HDAC9: variants seen among roughly 807,000 people sequenced by gnomAD.
HDAC9 encodes histone deacetylase 9.
In HDAC9, 41 loss-of-function variants were observed where a neutral mutation model predicts 139.4. The ratio of observed to expected loss-of-function variants is 0.29; its 90% CI spans 0.23 to 0.38. The LOEUF (loss-of-function observed/expected upper bound fraction) is 0.38. HDAC9 is among the 10% of genes least tolerant of loss of function. The pLI is 1.00. For synonymous variants in HDAC9, 517 were observed against 476.2 expected (o/e 1.09, Z -1.12); for missense variants, 1,147 against 1,297.0 (o/e 0.88, Z 1.78).
At chr7:18,918,495 A>G in intron 22 of HDAC9, among the ~76,000 whole-genome samples, 1 of 152,044 alleles carries the variant, frequency 6.6e-6, no homozygotes, top group East Asian at 1.9e-4. Context: ...TATAGCTTTT[A>G]TTACTCAGGT....
chr7:18,778,890 G>T (rs545864117), intron 16 of HDAC9, among the ~76,000 whole-genome samples: 7 of 152,178 alleles, frequency 4.6e-5, no homozygotes, highest in Admixed American at 1.3e-4. Flanking sequence ...CAATGGAGCT[G>T]CCAGAAAGCA....
intron 1 of HDAC9, among the ~76,000 whole-genome samples, chr7:18,316,650 A>AAG (rs1348832736): frequency 1.3e-5 from 2 of 149,936 alleles, no homozygotes; most frequent in Non-Finnish European, 3.0e-5. Context: ...AAAAAAAAAA[A>AAG]AATTGGCTGG....
intron 1 of HDAC9, among the ~76,000 whole-genome samples, chr7:18,367,335 T>C (rs1784263073): frequency 6.6e-6 from 1 of 152,082 alleles, no homozygotes. Flanking sequence ...GGGTCCCCTG[T>C]TCTTCCTATT....
At chr7:18,920,627 G>A (rs1047244813) in intron 22 of HDAC9, among the ~76,000 whole-genome samples, 13 of 152,032 alleles carry the variant, frequency 8.6e-5, no homozygotes, top group African/African-American at 2.7e-4. Context: ...ATTGGCTGTG[G>A]GTTTGTCATA....
intron 8 of HDAC9, among the ~76,000 whole-genome samples, chr7:18,642,156 A>G (rs1785835685): frequency 6.6e-6 from 1 of 152,068 alleles, no homozygotes; most frequent in African/African-American, 2.4e-5. Flanking sequence ...AACCAACTAT[A>G]CCTAGTAGAT....
At chr7:18,283,745 C>T (rs1797254927) in intron 2 of HDAC9, among the ~76,000 whole-genome samples, 1 of 152,144 alleles carries the variant, frequency 6.6e-6, no homozygotes, top group Non-Finnish European at 1.5e-5. Flanking sequence ...TTTTTCAGAA[C>T]TCTTTTAGGT....
chr7:18,157,274 C>A (rs985516272), intron 1 of HDAC9, among the ~76,000 whole-genome samples: 1 of 152,068 alleles, frequency 6.6e-6, no homozygotes, highest in African/African-American at 2.4e-5. Context: ...GCCTGTGCCT[C>A]GGTAGTAGCT....
chr7:18,413,383 A>G (rs1788754661), intron 1 of HDAC9, among the ~76,000 whole-genome samples: 1 of 152,204 alleles, frequency 6.6e-6, no homozygotes, highest in Admixed American at 6.5e-5. Context: ...TCTGGAGTCT[A>G]TCTCTGGATC....
intron 12 of HDAC9, among the ~76,000 whole-genome samples, chr7:18,705,210 T>C (rs532878451): frequency 2.3e-4 from 35 of 152,196 alleles, no homozygotes; most frequent in Non-Finnish European, 3.2e-4. Flanking sequence ...CTAATGACAC[T>C]ACTGACTTGC....
intron 1 of HDAC9, among the ~76,000 whole-genome samples, chr7:18,459,381 T>A (rs941641123): frequency 6.6e-6 from 1 of 152,176 alleles, no homozygotes; most frequent in Non-Finnish European, 1.5e-5. Flanking sequence ...TATATTAAAC[T>A]GGTAAGTGAA....
At chr7:18,389,397 G>T (rs1786251584) in intron 1 of HDAC9, among the ~76,000 whole-genome samples, 1 of 152,226 alleles carries the variant, frequency 6.6e-6, no homozygotes, top group Admixed American at 6.5e-5. Flanking sequence ...GGGCCCTGTA[G>T]TGATGGTAGC....
At chr7:18,345,763 C>G (rs1782364790) in intron 1 of HDAC9, among the ~76,000 whole-genome samples, 1 of 151,922 alleles carries the variant, frequency 6.6e-6, no homozygotes, top group African/African-American at 2.4e-5. Context: ...GACTGATTCT[C>G]TTTTCTTTAC....
chr7:18,240,347 C>G (rs1794110432), intron 2 of HDAC9, among the ~76,000 whole-genome samples: 1 of 152,074 alleles, frequency 6.6e-6, no homozygotes, highest in Admixed American at 6.6e-5. Flanking sequence ...TGATTTCTTA[C>G]CCTATACTGC....
At chr7:18,171,706 T>G (rs185215317) in intron 2 of HDAC9, among the ~76,000 whole-genome samples, 1 of 152,352 alleles carries the variant, frequency 6.6e-6, no homozygotes, top group African/African-American at 2.4e-5. Context: ...GAGATAATCA[T>G]TTAATTTTTG....
At chr7:18,576,760 A>G (rs1223933553) in intron 2 of HDAC9, among the ~76,000 whole-genome samples, 3 of 152,164 alleles carry the variant, frequency 2.0e-5, no homozygotes, top group Non-Finnish European at 2.9e-5. Context: ...TGTGTCTGCA[A>G]TGATAAAAAA....
intron 1 of HDAC9, among the ~76,000 whole-genome samples, chr7:18,349,324 AC>A: frequency 6.8e-6 from 1 of 147,318 alleles, no homozygotes; most frequent in Non-Finnish European, 1.5e-5. Flanking sequence ...ACACACACAC[AC>A]ACACACACAC....
At chr7:18,349,415 CA>C (rs2128671593) in intron 1 of HDAC9, among the ~76,000 whole-genome samples, 1 of 151,392 alleles carries the variant, frequency 6.6e-6, no homozygotes, top group East Asian at 2.0e-4. Context: ...CAGTGATCAA[CA>C]GCTAACATCT....
intron 1 of HDAC9, among the ~76,000 whole-genome samples, chr7:18,153,504 G>A (rs1474195250): frequency 6.6e-6 from 1 of 152,142 alleles, no homozygotes; most frequent in Non-Finnish European, 1.5e-5. Context: ...ATGAAGACTT[G>A]GCCCTCTACC....
chr7:18,264,282 T>A (rs1795866321), intron 2 of HDAC9, among the ~76,000 whole-genome samples: 1 of 152,046 alleles, frequency 6.6e-6, no homozygotes, highest in Non-Finnish European at 1.5e-5. Flanking sequence ...ATAAAATAAG[T>A]TTCAGGAAAA....
Sources: gnomAD v4.1 joint callset for allele counts (sites outside exome capture counted in the v4.1 genomes callset) on GRCh38, gnomAD v4.1.1 for gene constraint, MANE v1.5 for transcripts, NCBI Gene and HGNC (gene_info 2026-07-23, HGNC 2026-07-21) for gene names.